SLC24A4: variants seen among roughly 807,000 people sequenced by gnomAD.
The protein encoded by SLC24A4 is solute carrier family 24 member 4.
SLC24A4 carries 53 observed loss-of-function variants against 79.0 expected under a neutral mutation model. The observed-to-expected ratio is 0.67, with a 90% CI of 0.54 to 0.84. The LOEUF (loss-of-function observed/expected upper bound fraction) is 0.84. Among genes scored for constraint, SLC24A4 ranks in the 40% least tolerant of loss-of-function variants. The pLI, the probability that SLC24A4 is intolerant of heterozygous loss-of-function variation, is 0.00. For synonymous variants in SLC24A4, 323 were observed against 323.8 expected (o/e 1.00, Z 0.03); for missense variants, 731 against 822.0 (o/e 0.89, Z 1.35).
At chr14:92,445,391 C>T in intron 8 of SLC24A4, 49 bp downstream of exon 8, 1 of 1,587,586 alleles carries the variant, frequency 6.3e-7, no homozygotes, top group Non-Finnish European at 8.6e-7. Flanking sequence ...TTGTTGTTTC[C>T]AGTATCCTTA....
At chr14:92,390,732 G>A (rs763802880) in intron 2 of SLC24A4, among the ~76,000 whole-genome samples, 1 of 152,124 alleles carries the variant, frequency 6.6e-6, no homozygotes, top group Non-Finnish European at 1.5e-5. Context: ...TTACCAAAGT[G>A]GCACGGGCAC....
At chr14:92,376,901 C>T (rs772459195) in intron 2 of SLC24A4, among the ~76,000 whole-genome samples, 69 of 152,160 alleles carry the variant, frequency 4.5e-4, no homozygotes, top group Non-Finnish European at 8.8e-4. Flanking sequence ...AAACATCCCA[C>T]AATGCACAGG....
chr14:92,482,774 G>C lies in SLC24A4; in HGVS notation c.1350G>C (p.Glu450Asp). ...TIPNCSKPRW[E>D]KFFMVTFITA... Reference sequence around the variant, plus strand: ...CCAACTGCAGCAAGCCCCGCTGGGAGAAGTTCTTCATGGTCACCTTCATCA... The same window carrying C: ...CCAACTGCAGCAAGCCCCGCTGGGACAAGTTCTTCATGGTCACCTTCATCA... The change falls in exon 13 of 17, where the codon GAG (glutamate) becomes GAC (aspartate). Residue 450 changes from glutamate (E) to aspartate (D), a missense_variant. Coordinates refer to ENST00000532405, the MANE Select transcript of SLC24A4 (RefSeq NM_153646.4). The C allele has an allele frequency of 6.2e-7, 1 of 1,614,144 alleles. No homozygotes were observed. Among genetic ancestry groups the C allele is most frequent in the Non-Finnish European group, 8.5e-7 (1 of 1,180,008 alleles).
chr14:92,348,571 A>C (rs935699804), intron 2 of SLC24A4, among the ~76,000 whole-genome samples: 1 of 152,122 alleles, frequency 6.6e-6, no homozygotes, highest in African/African-American at 2.4e-5. Flanking sequence ...GGCCCCTTCC[A>C]CTGAATCCAC....
At chr14:92,335,481 A>G (rs960878717) in intron 2 of SLC24A4, among the ~76,000 whole-genome samples, 16 of 151,852 alleles carry the variant, frequency 1.1e-4, no homozygotes, top group African/African-American at 3.6e-4. Flanking sequence ...CAGCCTCCCA[A>G]ATAGCTGGGA....
At chr14:92,358,903 C>T (rs1191005419) in intron 2 of SLC24A4, among the ~76,000 whole-genome samples, 1 of 151,870 alleles carries the variant, frequency 6.6e-6, no homozygotes, top group African/African-American at 2.4e-5. Flanking sequence ...CCAGGCTGGT[C>T]TTGAACTCCT....
At chr14:92,416,775 C>A (rs1891006133) in intron 2 of SLC24A4, among the ~76,000 whole-genome samples, 1 of 152,196 alleles carries the variant, frequency 6.6e-6, no homozygotes, top group African/African-American at 2.4e-5. Context: ...AATCCAGACC[C>A]TGGTGACTCT....
At chr14:92,391,132 T>C (rs895675918) in intron 2 of SLC24A4, among the ~76,000 whole-genome samples, 2 of 152,132 alleles carry the variant, frequency 1.3e-5, no homozygotes, top group East Asian at 3.9e-4. Context: ...CAAGGGGGCC[T>C]GGGAAATGCC....
At chr14:92,436,698 G>A (rs976398468) in intron 3 of SLC24A4, among the ~76,000 whole-genome samples, 2 of 152,154 alleles carry the variant, frequency 1.3e-5, no homozygotes, top group Non-Finnish European at 2.9e-5. Flanking sequence ...GCAGTGCTCC[G>A]TGACCCAGGA....
In SLC24A4 at chr14:92,500,182, G is replaced by A. The variant is rs568123421; in HGVS notation, c.*6554G>A. 2.0e-5 allele frequency: 3 copies of A among 152,230 alleles called. No individual in the cohort carries two copies. The highest frequency in any genetic ancestry group is 1.9e-4 in the East Asian group (1 of 5,176). The allele number at this position is 152,230 out of a possible 1,614,324, so 9.4% of individuals were successfully genotyped here. On this transcript the variant is annotated 3_prime_UTR_variant, in exon 17 of 17. Transcript: ENST00000532405. Reference sequence around the variant, plus strand: ...AACATGTTGGTTGGGACTTGTCCACGGGCCAGGCCAATAAAATTCTTAATC... The same window carrying A: ...AACATGTTGGTTGGGACTTGTCCACAGGCCAGGCCAATAAAATTCTTAATC...
At chr14:92,440,373 G>A (rs960596827) in intron 4 of SLC24A4, among the ~76,000 whole-genome samples, 4 of 152,196 alleles carry the variant, frequency 2.6e-5, no homozygotes, top group Non-Finnish European at 4.4e-5. Flanking sequence ...TGGGATGATC[G>A]TGTGGGAGGG....
chr14:92,443,851 AG>A (rs1595290506), intron 7 of SLC24A4, among the ~76,000 whole-genome samples: 1 of 152,152 alleles, frequency 6.6e-6, no homozygotes, highest in East Asian at 1.9e-4. Flanking sequence ...CTGCGCTTGC[AG>A]GGTCACTCAT....
In SLC24A4 at chr14:92,493,559, C is replaced by G; in HGVS notation, c.1800C>G (p.Cys600Trp). The G allele has an allele frequency of 6.2e-7, 1 of 1,614,234 alleles. No individual in the cohort carries two copies. Among genetic ancestry groups the G allele is most frequent in the Non-Finnish European group, 8.5e-7 (1 of 1,180,030 alleles). Residue 600 changes from cysteine to tryptophan, a missense_variant, in exon 17 of 17, where the codon TGC becomes TGG. By Grantham distance (215) the Cys-to-Trp change is radical. Transcript: ENST00000532405. ...YVLVLYAIFL[C>W]FSIMIEFNVF... The stretch of plus-strand genomic sequence containing the variant: ...TGGTTCTCTACGCCATCTTCTTGTG[C>G]TTCTCCATAATGATAGAGTTTAACG...
chr14:92,469,766 A>C (rs978022221), intron 12 of SLC24A4, among the ~76,000 whole-genome samples: 1 of 152,222 alleles, frequency 6.6e-6, no homozygotes, highest in Non-Finnish European at 1.5e-5. Flanking sequence ...AGATGCTACA[A>C]TATGGATGAG....
At position 92,372,309 on chromosome 14, in the gene SLC24A4, A is replaced by G. The variant is rs547854091; in HGVS notation, c.241+46331A>G. On this transcript the variant is annotated intron_variant, in intron 2 of 16. Coordinates refer to ENST00000532405, the MANE Select transcript of SLC24A4 (RefSeq NM_153646.4). ...CTTCCACGCCACCTCCCTGTCCCAT[A>G]CTGAATAAATGGGAACAGGAGGGTG... is the stretch of plus-strand genomic sequence containing the variant. Among the ~76,000 whole-genome samples the G allele has an allele frequency of 2.1e-4, 32 of 152,212 alleles. No individual in the cohort carries two copies. In the South Asian group the frequency reaches 6.6e-3, roughly 32 times the overall value.
intron 12 of SLC24A4, among the ~76,000 whole-genome samples, 153 bp downstream of exon 12, chr14:92,456,761 G>A (rs1350013621): frequency 1.3e-5 from 2 of 152,190 alleles, no homozygotes; most frequent in Non-Finnish European, 2.9e-5. Context: ...CTTAGGAGGC[G>A]AATCTGTCCT....
At chr14:92,386,344 A>AT (rs1889154722) in intron 2 of SLC24A4, among the ~76,000 whole-genome samples, 1 of 152,086 alleles carries the variant, frequency 6.6e-6, no homozygotes, top group South Asian at 2.1e-4. Context: ...CAGCTGTAAA[A>AT]TGGGACCATA....
intron 2 of SLC24A4, among the ~76,000 whole-genome samples, chr14:92,360,247 T>C (rs749535282): frequency 6.6e-6 from 1 of 152,126 alleles, no homozygotes; most frequent in Non-Finnish European, 1.5e-5. Flanking sequence ...AAAATCATTA[T>C]TATTTTAGGG....
At chr14:92,368,315 C>T (rs561868963) in intron 2 of SLC24A4, among the ~76,000 whole-genome samples, 1 of 152,290 alleles carries the variant, frequency 6.6e-6, no homozygotes, top group South Asian at 2.1e-4. Flanking sequence ...TGACCCTTCA[C>T]TGGGTTTATA....
Sources: gnomAD v4.1 joint callset for allele counts (sites outside exome capture counted in the v4.1 genomes callset) on GRCh38, gnomAD v4.1.1 for gene constraint, MANE v1.5 for transcripts, NCBI Gene and HGNC (gene_info 2026-07-23, HGNC 2026-07-21) for gene names.